Variants in SPOCK1 observed in about 807,000 individuals in gnomAD.
SPOCK1 encodes the protein testican-1.
SPOCK1 carries 23 observed loss-of-function variants against 55.3 expected under a neutral mutation model. The observed-to-expected ratio is 0.42, with a 90% CI of 0.30 to 0.59. The LOEUF (loss-of-function observed/expected upper bound fraction) is 0.59, where lower values mean the gene tolerates loss of function less well. Among genes scored for constraint, SPOCK1 ranks in the 20% least tolerant of loss-of-function variants. The pLI is 0.22. For synonymous variants in SPOCK1, 226 were observed against 221.0 expected, an observed-to-expected ratio of 1.02 and a Z score of -0.20; for missense variants, 499 against 552.5, an observed-to-expected ratio of 0.90 and a Z score of 0.97.
intron 2 of SPOCK1, among the ~76,000 whole-genome samples, chr5:137,357,732 G>A (rs1294287382): frequency 6.6e-6 from 1 of 152,174 alleles, no homozygotes; most frequent in Non-Finnish European, 1.5e-5. Flanking sequence ...AAAGAGATCA[G>A]TGTGTTTCCA....
intron 2 of SPOCK1, among the ~76,000 whole-genome samples, chr5:137,379,583 A>T (rs1751415961): frequency 7.1e-6 from 1 of 141,112 alleles, no homozygotes; most frequent in South Asian, 2.3e-4. Context: ...CCTGAGCAAC[A>T]TCCATTGCTG....
chr5:137,326,336 G>A (rs1311510234), intron 2 of SPOCK1, among the ~76,000 whole-genome samples: 1 of 151,708 alleles, frequency 6.6e-6, no homozygotes, highest in East Asian at 1.9e-4. Context: ...AAAGGCATTC[G>A]ATTCTTAGGC....
At chr5:137,337,785 G>A (rs1750315178) in intron 2 of SPOCK1, among the ~76,000 whole-genome samples, 1 of 152,170 alleles carries the variant, frequency 6.6e-6, no homozygotes, top group Non-Finnish European at 1.5e-5. Context: ...AGACGTTTTT[G>A]AGTTTCTCCT....
intron 3 of SPOCK1, among the ~76,000 whole-genome samples, chr5:137,217,016 A>G (rs1402627756): frequency 2.0e-5 from 3 of 152,158 alleles, no homozygotes; most frequent in Admixed American, 2.0e-4. Flanking sequence ...AAGTTTCTGA[A>G]GGCCTAGGTT....
At chr5:137,041,598 G>A (rs937098020) in intron 6 of SPOCK1, among the ~76,000 whole-genome samples, 5 of 152,070 alleles carry the variant, frequency 3.3e-5, no homozygotes, top group East Asian at 1.9e-4. Flanking sequence ...AAATACAAAC[G>A]CTCTTAAAAT....
intron 2 of SPOCK1, among the ~76,000 whole-genome samples, chr5:137,383,176 A>C (rs1280570343): frequency 2.0e-5 from 3 of 152,200 alleles, no homozygotes; most frequent in Admixed American, 6.5e-5. Context: ...TCCTACCTAT[A>C]AAATGGAGAC....
chr5:137,023,656 G>A (rs1290708049), intron 6 of SPOCK1, among the ~76,000 whole-genome samples: 1 of 152,100 alleles, frequency 6.6e-6, no homozygotes, highest in East Asian at 1.9e-4. Context: ...CCATGAGGAA[G>A]GCATCATTTC....
chr5:137,283,340 T>C (rs1757200098), intron 2 of SPOCK1, among the ~76,000 whole-genome samples: 1 of 152,148 alleles, frequency 6.6e-6, no homozygotes, highest in Non-Finnish European at 1.5e-5. Flanking sequence ...GTGACAAACT[T>C]CTACTAGGGT....
chr5:137,175,228 T>C (rs1051178249), intron 3 of SPOCK1, among the ~76,000 whole-genome samples: 4 of 152,050 alleles, frequency 2.6e-5, no homozygotes, highest in Non-Finnish European at 2.9e-5. Flanking sequence ...GGAAAATGGG[T>C]AGTACAAGAC....
At chr5:137,005,266 A>C (rs1751225048) in intron 6 of SPOCK1, among the ~76,000 whole-genome samples, 2 of 152,118 alleles carry the variant, frequency 1.3e-5, no homozygotes, top group African/African-American at 2.4e-5. Flanking sequence ...CCTTCCATCC[A>C]CAAGGCTTCC....
chr5:137,098,692 G>C (rs1184274600), intron 5 of SPOCK1, among the ~76,000 whole-genome samples: 1 of 152,136 alleles, frequency 6.6e-6, no homozygotes. Flanking sequence ...CAGTCTCAGA[G>C]GCCATGTCAA....
intron 5 of SPOCK1, among the ~76,000 whole-genome samples, chr5:137,105,794 G>A (rs190337482): frequency 1.9e-4 from 29 of 152,288 alleles, no homozygotes; most frequent in East Asian, 1.5e-3. Context: ...TTAACTCTGC[G>A]TCTCTCTTCT....
chr5:136,979,632 T>G, intron 9 of SPOCK1, 163 bp from the exon 10 acceptor site: 36 of 805,174 alleles, frequency 4.5e-5, no homozygotes, highest in Non-Finnish European at 6.1e-5. Context: ...ACAGGGCCCT[T>G]AACCTTTAGA....
intron 5 of SPOCK1, among the ~76,000 whole-genome samples, chr5:137,086,279 C>T (rs1005114911): frequency 9.9e-5 from 15 of 152,168 alleles, no homozygotes; most frequent in African/African-American, 3.4e-4. Flanking sequence ...CCACAGGCTA[C>T]AAGATATAAA....
chr5:137,476,601 G>A (rs530683537), intron 2 of SPOCK1, among the ~76,000 whole-genome samples: 1 of 152,284 alleles, frequency 6.6e-6, no homozygotes, highest in East Asian at 1.9e-4. Flanking sequence ...GGGCAGGGCA[G>A]GTGTGCAGCT....
chr5:137,114,498 G>A (rs1329642171), intron 4 of SPOCK1, among the ~76,000 whole-genome samples: 2 of 152,176 alleles, frequency 1.3e-5, no homozygotes, highest in Non-Finnish European at 2.9e-5. Context: ...CCTTGGCTTT[G>A]CCCTCTGGAT....
intron 2 of SPOCK1, among the ~76,000 whole-genome samples, chr5:137,399,715 C>A (rs1751934589): frequency 6.6e-6 from 1 of 152,070 alleles, no homozygotes; most frequent in South Asian, 2.1e-4. Context: ...TAAAAGTTGA[C>A]CTTTTCAAAC....
intron 3 of SPOCK1, among the ~76,000 whole-genome samples, chr5:137,262,338 G>A (rs1306849308): frequency 6.6e-6 from 1 of 152,172 alleles, no homozygotes; most frequent in African/African-American, 2.4e-5. Flanking sequence ...TACAGCATCA[G>A]GGAGCCTGGT....
At chr5:137,210,884 C>A (rs373191465) in intron 3 of SPOCK1, among the ~76,000 whole-genome samples, 4 of 152,312 alleles carry the variant, frequency 2.6e-5, no homozygotes, top group Admixed American at 1.3e-4. Context: ...CACTGGAGTC[C>A]AGGGGCTCAA....
Sources: gnomAD v4.1 joint callset for allele counts (sites outside exome capture counted in the v4.1 genomes callset) on GRCh38, gnomAD v4.1.1 for gene constraint, MANE v1.5 for transcripts, NCBI Gene and HGNC (gene_info 2026-07-23, HGNC 2026-07-21) for gene names.